The following RNF144B variants were observed in gnomAD, a reference collection of about 807,000 sequenced individuals.
RNF144B encodes the protein ring finger protein 144B.
Under a neutral mutation model 40.2 loss-of-function variants are expected in RNF144B, and 25 were observed. That is an observed-to-expected ratio of 0.62 (90% CI 0.45 to 0.87). The LOEUF (loss-of-function observed/expected upper bound fraction) is 0.87. Among genes scored for constraint, RNF144B ranks in the 40% least tolerant of loss-of-function variants. RNF144B has a pLI of 0.00. For missense variants in RNF144B, 365 were observed against 373.7 expected, an observed-to-expected ratio of 0.98 and a Z score of 0.19; for synonymous variants, 145 against 136.3, an observed-to-expected ratio of 1.06 and a Z score of -0.44.
chr6:18,467,653 A>T lies in RNF144B; in HGVS notation c.*2586A>T, dbSNP rs580128. ...GAGCTGGCGACTTATTTTTATTTTT[A>T]TTTTTTGGACAGAGTCTCCCTTTGT... On this transcript the variant is annotated 3_prime_UTR_variant, in exon 8 of 8. Coordinates refer to ENST00000259939, the MANE Select transcript of RNF144B (RefSeq NM_182757.4). The T allele has an allele frequency of 0.95, 143,195 of 150,058 alleles. 68,477 individuals are homozygous for T. The highest frequency in any genetic ancestry group is 0.99 in the Non-Finnish European group (66,776 of 67,436). 9.3% of individuals were successfully genotyped at this position (150,058 alleles called of 1,614,324 possible).
At chr6:18,429,979 G>A (rs1758657302) in intron 3 of RNF144B, among the ~76,000 whole-genome samples, 1 of 152,156 alleles carries the variant, frequency 6.6e-6, no homozygotes, top group African/African-American at 2.4e-5. Context: ...AAGAAGTGGG[G>A]CAGGCAACAG....
chr6:18,449,968 A>T lies in RNF144B; in HGVS notation c.332-7187A>T, dbSNP rs10456827. Among the ~76,000 whole-genome samples, 1,385 of 152,242 alleles carry T rather than the reference A, an allele frequency of 9.1e-3. 10 individuals carry two copies. The highest frequency in any genetic ancestry group is 0.015 in the Non-Finnish European group (1,024 of 68,016). On this transcript the variant is annotated intron_variant, in intron 4 of 7. Transcript: ENST00000259939. ...ATAGAGAAAGTAGATGGAAAAACAA[A>T]TTGTATAAGTATTCTTTGTGCTTTC...
intron 2 of RNF144B, among the ~76,000 whole-genome samples, chr6:18,404,956 A>G (rs1448889318): frequency 6.6e-6 from 1 of 152,098 alleles, no homozygotes; most frequent in Non-Finnish European, 1.5e-5. Flanking sequence ...ATGCCACAGA[A>G]TGATTCTCTG....
intron 1 of RNF144B, among the ~76,000 whole-genome samples, chr6:18,391,201 TCTC>T (rs1398918870): frequency 6.6e-6 from 1 of 152,148 alleles, no homozygotes; most frequent in Non-Finnish European, 1.5e-5. Flanking sequence ...AAATACCACT[TCTC>T]CTTGATTGGT....
rs908906037 is a variant in RNF144B at position 18,446,633 on chromosome 6, A to G, written c.331+6889A>G. 3.2e-4 allele frequency among the ~76,000 whole-genome samples: 48 copies of G among 152,272 alleles called. No homozygotes were observed. Among genetic ancestry groups the G allele is most frequent in the Non-Finnish European group, 2.2e-4 (15 of 68,014 alleles). Reference sequence around the variant, plus strand: ...CTGTTATGTCACTCCATTTAGTTACACAAATGCAACATTCTAGGCATCTTG... The same window carrying G: ...CTGTTATGTCACTCCATTTAGTTACGCAAATGCAACATTCTAGGCATCTTG... On this transcript the variant is annotated intron_variant, in intron 4 of 7. Coordinates refer to ENST00000259939, the MANE Select transcript of RNF144B (RefSeq NM_182757.4). The surrounding 1 kb of genome is among the most constrained non-coding windows in gnomAD (Gnocchi z 4.7).
In RNF144B at chr6:18,410,072, C is replaced by G. The variant is rs1029875310; in HGVS notation, c.165+10373C>G. ...ATGCCTTTGCCAAAGTTTAATTCTT[C>G]AAACCACATATCAGAATGTAATAGG... On this transcript the variant is annotated intron_variant, in intron 2 of 7. Transcript: ENST00000259939. This position sits in a 1 kb window ranked among gnomAD's most constrained non-coding sequence, Gnocchi z 4.6. Among the ~76,000 whole-genome samples, 1 of 152,166 alleles carries G rather than the reference C, an allele frequency of 6.6e-6. No individual in the cohort carries two copies. The highest frequency in any genetic ancestry group is 6.5e-5 in the Admixed American group (1 of 15,274).
intron 7 of RNF144B, 39 bp downstream of exon 7, chr6:18,463,419 T>G (rs369285735): frequency 3.3e-6 from 4 of 1,202,344 alleles, no homozygotes; most frequent in Non-Finnish European, 3.7e-6. Context: ...TAAACCAAAA[T>G]CGTGATGGCT....
intron 3 of RNF144B, among the ~76,000 whole-genome samples, chr6:18,431,500 G>A (rs969954090): frequency 6.6e-6 from 1 of 152,094 alleles, no homozygotes; most frequent in African/African-American, 2.4e-5. Context: ...ATAACATGTG[G>A]CTTATAATCT....
intron 4 of RNF144B, among the ~76,000 whole-genome samples, chr6:18,453,682 T>G (rs1426668351): frequency 6.6e-6 from 1 of 152,248 alleles, no homozygotes; most frequent in Non-Finnish European, 1.5e-5. Context: ...GATGCATTTT[T>G]AAATTTCTAC....
intron 2 of RNF144B, among the ~76,000 whole-genome samples, chr6:18,424,085 CTT>C (rs1401282570): frequency 2.6e-5 from 4 of 152,122 alleles, no homozygotes; most frequent in Non-Finnish European, 5.9e-5. Context: ...TTGTTTCTCT[CTT>C]TATAAGCTAG....
Position 18,459,669 on chromosome 6 carries a change from T to C in RNF144B, c.599T>C (p.Ile200Thr), listed in dbSNP as rs1466584193. The C allele has an allele frequency of 6.2e-7, 1 of 1,614,136 alleles. No individual in the cohort carries two copies. Among genetic ancestry groups the C allele is most frequent in the South Asian group, 1.1e-5 (1 of 91,080 alleles). Residue 200 changes from isoleucine to threonine, a missense_variant, in exon 6 of 8, where the codon ATC (isoleucine) becomes ACC (threonine). Physicochemically the swap from Ile to Thr is moderately conservative, Grantham distance 89. Coordinates refer to ENST00000259939, the MANE Select transcript of RNF144B (RefSeq NM_182757.4). The surrounding 1 kb of genome is among the most constrained non-coding windows in gnomAD (Gnocchi z 4.2). The part of the protein sequence containing the change: ...IKQCPVCRVY[I>T]ERNEGCAQMM... ...CAGTGCCCAGTTTGCCGGGTTTATA[T>C]CGAACGCAATGAAGGCTGCGCTCAG...
chr6:18,432,778 A>G (rs981087722), intron 3 of RNF144B, among the ~76,000 whole-genome samples: 1 of 152,206 alleles, frequency 6.6e-6, no homozygotes, highest in Non-Finnish European at 1.5e-5. Context: ...GCTAGGTGTC[A>G]GTGGAGGGCA....
intron 1 of RNF144B, among the ~76,000 whole-genome samples, chr6:18,397,743 T>C (rs1214287177): frequency 6.6e-6 from 1 of 152,048 alleles, no homozygotes; most frequent in African/African-American, 2.4e-5. Context: ...TTCCTCCTTC[T>C]TTTCTCTGCT....
chr6:18,406,119 C>G lies in RNF144B; in HGVS notation c.165+6420C>G. The G allele has an allele frequency of 1.9e-6, 1 of 518,968 alleles. No individual in the cohort carries two copies. The highest frequency in any genetic ancestry group is 3.8e-6 in the Non-Finnish European group (1 of 259,862). The allele number at this position is 518,968 out of a possible 1,614,324, so 32.1% of individuals were successfully genotyped here. A position where few individuals can be genotyped will look rare whatever the true frequency, so the allele number is the denominator to read the frequency against. On this transcript the variant is annotated intron_variant, in intron 2 of 7. Transcript: ENST00000259939. The surrounding 1 kb of genome is among the most constrained non-coding windows in gnomAD (Gnocchi z 4.2). ...TGGTTTGAATATAGTGGTGAACGAT[C>G]AGATTAAGCCCTGGTTTTCAAATAA...
chr6:18,405,682 T>G lies in RNF144B; in HGVS notation c.165+5983T>G, dbSNP rs1398628082. 6.6e-6 allele frequency among the ~76,000 whole-genome samples: 1 copy of G among 152,208 alleles called. No homozygotes were observed. On this transcript the variant is annotated intron_variant, in intron 2 of 7. Transcript: ENST00000259939. This position sits in a 1 kb window ranked among gnomAD's most constrained non-coding sequence, Gnocchi z 4.5. Reference sequence around the variant, plus strand: ...TTTTATTGGCACTATATTTTTCCACTGACAACGGAGCCACTGCAGGGTCAG... The same window carrying G: ...TTTTATTGGCACTATATTTTTCCACGGACAACGGAGCCACTGCAGGGTCAG...
intron 3 of RNF144B, among the ~76,000 whole-genome samples, chr6:18,431,460 C>A (rs1354573171): frequency 6.6e-6 from 1 of 152,102 alleles, no homozygotes; most frequent in African/African-American, 2.4e-5. Flanking sequence ...TTCTAACTTG[C>A]TTTAGATCAA....
chr6:18,459,741 A>G lies in RNF144B; in HGVS notation c.671A>G (p.Gln224Arg). 1 of 1,614,018 alleles carries G rather than the reference A, an allele frequency of 6.2e-7. No homozygotes were observed. Among genetic ancestry groups the G allele is most frequent in the Non-Finnish European group, 8.5e-7 (1 of 1,179,838 alleles). ...CATACATTTTGCTGGTACTGCCTCC[A>G]GAACTTGGATGTAAGTTCCACCTAG... Reference protein sequence around the residue: ...CKHTFCWYCLQNLDNDIFLRH... With the variant: ...CKHTFCWYCLRNLDNDIFLRH... The change falls in exon 6 of 8, where the codon CAG (glutamine) becomes CGG (arginine). Residue 224 changes from glutamine to arginine, a missense_variant. Coordinates refer to ENST00000259939, the MANE Select transcript of RNF144B (RefSeq NM_182757.4). This position sits in a 1 kb window ranked among gnomAD's most constrained non-coding sequence, Gnocchi z 4.2.
rs185415412 is a variant in RNF144B, at chr6:18,463,155, G to T, written c.682-136G>T. On this transcript the variant is annotated intron_variant, in intron 6 of 7. Transcript: ENST00000259939. ...AAAACTACCAAGATAAAGATTACAG[G>T]CTTGGAATTCCTAGAGGGGGTCACT... 1,501 of 605,828 alleles carry T rather than the reference G, an allele frequency of 2.5e-3. 7 individuals are homozygous for T. The highest frequency in any genetic ancestry group is 8.6e-3 in the South Asian group (428 of 49,844). 37.5% of individuals were successfully genotyped at this position (605,828 alleles called of 1,614,324 possible).
Position 18,459,276 on chromosome 6 carries a change from C to A in RNF144B, c.537-331C>A, listed in dbSNP as rs185410932. ...ATAGATTATATACGCCCAGTTTGGA[C>A]CCTGACCTAGTTTCTCTGCTGTGTA... On this transcript the variant is annotated intron_variant, in intron 5 of 7. Transcript: ENST00000259939. This position sits in a 1 kb window ranked among gnomAD's most constrained non-coding sequence, Gnocchi z 4.2. Among the ~76,000 whole-genome samples the A allele has an allele frequency of 6.6e-6, 1 of 152,162 alleles. No homozygotes were observed. Among genetic ancestry groups the A allele is most frequent in the African/African-American group, 2.4e-5 (1 of 41,438 alleles).
Sources: allele counts gnomAD v4.1 joint callset (sites outside exome capture counted in the v4.1 genomes callset), GRCh38; gene constraint gnomAD v4.1.1; non-coding constraint Gnocchi (gnomAD v3.1); transcripts MANE v1.5; gene names NCBI Gene and HGNC (gene_info 2026-07-23, HGNC 2026-07-21).